Variants in PEX7 observed in about 807,000 individuals in gnomAD.
PEX7 encodes the protein PTS2 receptor.
PEX7 carries 34 observed loss-of-function variants against 47.5 expected under a neutral mutation model. The observed-to-expected ratio is 0.72, with a 90% CI of 0.54 to 0.95. The LOEUF is 0.95. PEX7 is among the 40% of genes least tolerant of loss of function. The pLI, the probability that PEX7 is intolerant of heterozygous loss-of-function variation, is 0.00. For missense variants in PEX7, 394 were observed against 400.3 expected (o/e 0.98, Z 0.13); for synonymous variants, 141 against 148.8 (o/e 0.95, Z 0.38).
intron 8 of PEX7, among the ~76,000 whole-genome samples, chr6:136,894,641 G>T (rs892885723): frequency 2.0e-5 from 3 of 152,132 alleles, no homozygotes; most frequent in African/African-American, 7.2e-5. Context: ...ATGTGATACA[G>T]TGCTGTATAC....
chr6:136,861,942 T>C (rs1774970854), intron 5 of PEX7, among the ~76,000 whole-genome samples: 1 of 144,646 alleles, frequency 6.9e-6, no homozygotes, highest in Admixed American at 7.0e-5. Context: ...CACGTCACCC[T>C]GCATTATACA....
intron 5 of PEX7, among the ~76,000 whole-genome samples, chr6:136,862,641 G>A (rs929298482): frequency 6.6e-6 from 1 of 152,150 alleles, no homozygotes; most frequent in Non-Finnish European, 1.5e-5. Context: ...CCCTTAAAGT[G>A]CTGGGATTAC....
At chr6:136,839,830 C>T (rs1259978072) in intron 3 of PEX7, among the ~76,000 whole-genome samples, 1 of 152,164 alleles carries the variant, frequency 6.6e-6, no homozygotes, top group Admixed American at 6.5e-5. Context: ...GACAAAACAC[C>T]TTAGGCATGC....
At position 136,854,433 on chromosome 6, in the gene PEX7, C is replaced by T. The variant is rs142801229; in HGVS notation, c.526+8252C>T. Among the ~76,000 whole-genome samples the T allele has an allele frequency of 2.0e-3, 305 of 152,212 alleles. 3 individuals carry two copies. The highest frequency in any genetic ancestry group is 6.5e-3 in the African/African-American group (271 of 41,548). ...AACTCCTGACCTCAGGTGATCAACC[C>T]GCCTTGGCCTCCCAAAGTGTTGGGA... On this transcript the variant is annotated intron_variant, in intron 5 of 9. Coordinates refer to ENST00000318471, the MANE Select transcript of PEX7 (RefSeq NM_000288.4).
intron 3 of PEX7, among the ~76,000 whole-genome samples, chr6:136,843,550 A>C (rs1260324171): frequency 6.6e-6 from 1 of 152,218 alleles, no homozygotes; most frequent in African/African-American, 2.4e-5. Flanking sequence ...TGTAAAATCT[A>C]AAGTATTTAC....
intron 3 of PEX7, among the ~76,000 whole-genome samples, chr6:136,835,947 A>C (rs1051868380): frequency 6.6e-6 from 1 of 152,206 alleles, no homozygotes; most frequent in Non-Finnish European, 1.5e-5. Flanking sequence ...CAGATAGAGA[A>C]GGACTTTGAA....
At chr6:136,884,385 C>A (rs1386836163) in intron 8 of PEX7, among the ~76,000 whole-genome samples, 1 of 152,138 alleles carries the variant, frequency 6.6e-6, no homozygotes, top group South Asian at 2.1e-4. Context: ...AGATATAAGA[C>A]CAACAGTAAC....
At chr6:136,856,241 A>G (rs1774860144) in intron 5 of PEX7, among the ~76,000 whole-genome samples, 2 of 151,516 alleles carry the variant, frequency 1.3e-5, no homozygotes, top group East Asian at 1.9e-4. Context: ...GTTGTGTTAG[A>G]AATTAATATA....
At position 136,900,360 on chromosome 6, in the gene PEX7, A is replaced by T. The variant is rs1252943454; in HGVS notation, c.903+2119A>T. 4.6e-5 allele frequency: 10 copies of T among 218,604 alleles called. No individual in the cohort carries two copies. Among genetic ancestry groups the T allele is most frequent in the Non-Finnish European group, 5.7e-5 (6 of 104,840 alleles). The allele number at this position is 218,604 out of a possible 1,614,324, so 13.5% of individuals were successfully genotyped here. On this transcript the variant is annotated intron_variant, in intron 9 of 9. Transcript: ENST00000318471. This position sits in a 1 kb window ranked among gnomAD's most constrained non-coding sequence, Gnocchi z 4.2. ...TATTTTAATTATTTTTATGTACAGA[A>T]AACTCAACCGTGTACATTTAATCCA...
chr6:136,879,511 G>T (rs934244419), intron 8 of PEX7, among the ~76,000 whole-genome samples: 1 of 151,940 alleles, frequency 6.6e-6, no homozygotes, highest in Non-Finnish European at 1.5e-5. Context: ...TCTTTTACTT[G>T]TAAGTTGTTT....
intron 3 of PEX7, among the ~76,000 whole-genome samples, chr6:136,835,020 A>C (rs190691495): frequency 6.6e-6 from 1 of 151,528 alleles, no homozygotes; most frequent in African/African-American, 2.4e-5. Context: ...GCCCACTGCA[A>C]CCTCCGCCTC....
chr6:136,869,904 C>T lies in PEX7; in HGVS notation c.648C>T (p.Thr216=), dbSNP rs754226264. The change falls in exon 7 of 10, where the codon ACC becomes ACT. Residue 216 remains threonine, a synonymous_variant. Transcript: ENST00000318471. The stretch of plus-strand genomic sequence containing the variant: ...ATTGTTTTTAGAATTTGCTGGTGAC[C>T]GGGGCGGTTGACTGTAGTTTGAGAG... ...WCKYNENLLV[T]GAVDCSLRGW... is the part of the protein sequence containing the mutation. 41 of 1,613,608 alleles carry T rather than the reference C, an allele frequency of 2.5e-5. No homozygotes were observed. The highest frequency in any genetic ancestry group is 2.4e-4 in the South Asian group (22 of 91,060).
At chr6:136,833,512 A>G (rs1774331568) in intron 3 of PEX7, among the ~76,000 whole-genome samples, 1 of 152,120 alleles carries the variant, frequency 6.6e-6, no homozygotes, top group Admixed American at 6.5e-5. Flanking sequence ...AACTGAAGGC[A>G]TTTTTTTCTT....
At chr6:136,823,333 T>A in intron 1 of PEX7, 1 of 985,386 alleles carries the variant, frequency 1.0e-6, no homozygotes, top group Non-Finnish European at 1.2e-6. Flanking sequence ...TATATCAAGT[T>A]CAGTTCTTAC....
intron 8 of PEX7, among the ~76,000 whole-genome samples, chr6:136,894,463 G>A (rs1338350425): frequency 2.0e-5 from 3 of 152,114 alleles, no homozygotes; most frequent in Non-Finnish European, 2.9e-5. Context: ...AGTGGCGTGC[G>A]CCTGTAATTC....
rs531873913 is a variant in PEX7, at chr6:136,910,106, A to G, written c.904-3352A>G. 6.6e-5 allele frequency among the ~76,000 whole-genome samples: 10 copies of G among 152,346 alleles called. No individual in the cohort carries two copies. In the South Asian group the frequency reaches 2.1e-3, roughly 32 times the overall value. On this transcript the variant is annotated intron_variant, in intron 9 of 9. Coordinates refer to ENST00000318471, the MANE Select transcript of PEX7 (RefSeq NM_000288.4). ...TATGAGGCACTGTTTTAGTGGATACATTCAACAGGTTTAGGTTCTGGCTGT... is the reference window on the plus strand; with the variant it reads ...TATGAGGCACTGTTTTAGTGGATACGTTCAACAGGTTTAGGTTCTGGCTGT...
intron 5 of PEX7, among the ~76,000 whole-genome samples, chr6:136,860,597 A>G (rs972398390): frequency 9.2e-5 from 14 of 151,558 alleles, no homozygotes; most frequent in African/African-American, 3.2e-4. Flanking sequence ...CAGCACACCA[A>G]CATGGCACAT....
intron 9 of PEX7, among the ~76,000 whole-genome samples, chr6:136,908,385 ATTGG>A (rs1775877830): frequency 6.6e-6 from 1 of 152,190 alleles, no homozygotes; most frequent in Non-Finnish European, 1.5e-5. Flanking sequence ...AAATAATAAG[ATTGG>A]TTCTCTCTTC....
chr6:136,874,874 T>G (rs1162789773), intron 8 of PEX7, among the ~76,000 whole-genome samples: 1 of 152,076 alleles, frequency 6.6e-6, no homozygotes, highest in Admixed American at 6.5e-5. Flanking sequence ...GTGCAGTAGC[T>G]CATGCGTGTA....
Sources: allele counts gnomAD v4.1 joint callset (sites outside exome capture counted in the v4.1 genomes callset), GRCh38; gene constraint gnomAD v4.1.1; non-coding constraint Gnocchi (gnomAD v3.1); transcripts MANE v1.5; gene names NCBI Gene and HGNC (gene_info 2026-07-23, HGNC 2026-07-21).